Variants in LY6D observed in about 807,000 individuals in gnomAD.
LY6D encodes the protein lymphocyte antigen 6 family member D.
In LY6D, 7 loss-of-function variants were observed where a neutral mutation model predicts 5.6. The observed-to-expected ratio is 1.24, with a 90% CI of 0.71 to 2.34. The LOEUF (loss-of-function observed/expected upper bound fraction) is 2.34. Ranked by LOEUF, LY6D falls within the 30% of genes most tolerant of loss-of-function variation. LY6D has a pLI of 0.00. For missense variants in LY6D, 148 were observed against 164.8 expected, an observed-to-expected ratio of 0.90 and a Z score of 0.56; for synonymous variants, 81 against 75.0, an observed-to-expected ratio of 1.08 and a Z score of -0.41.
chr8:142,786,164 G>A, intron 1 of LY6D: 2 of 1,257,840 alleles, frequency 1.6e-6, no homozygotes, highest in Non-Finnish European at 2.0e-6. Context: ...ACCGGGAGGG[G>A]CTGGTGGCAG....
At position 142,785,680 on chromosome 8, in the gene LY6D, G is replaced by T. The variant is rs773833849; in HGVS notation, c.60C>A (p.Thr20=). ...ALAVATGPAL[T]LRCHVCTSSS... ...AGCTGGTGCACACGTGGCAGCGCAGGGTAAGGGCTGGCGGGGAGGGAGTCC... is the reference window on the plus strand; with the variant it reads ...AGCTGGTGCACACGTGGCAGCGCAGTGTAAGGGCTGGCGGGGAGGGAGTCC... The change falls in exon 2 of 3, where the codon ACC becomes ACA. Residue 20 remains threonine (T), a synonymous_variant. Coordinates refer to ENST00000301263, the MANE Select transcript of LY6D (RefSeq NM_003695.3). The T allele has an allele frequency of 1.2e-6, 2 of 1,613,398 alleles. No individual in the cohort carries two copies. The highest frequency in any genetic ancestry group is 1.7e-5 in the Admixed American group (1 of 60,012).
rs149812562 is a variant in LY6D at position 142,785,290 on chromosome 8, G to A, written c.318C>T (p.Leu106=). 2.9e-5 allele frequency: 47 copies of A among 1,613,300 alleles called. No individual in the cohort carries two copies. In the African/African-American group the frequency reaches 3.6e-4, roughly 12 times the overall value. ...LHNAAPTRTA[L]AHSALSLGLA... ...GCCCCAGGCTGAGGGCACTGTGGGCGAGGGCGGTGCGGGTGGGTGCAGCGT... is the reference window on the plus strand; with the variant it reads ...GCCCCAGGCTGAGGGCACTGTGGGCAAGGGCGGTGCGGGTGGGTGCAGCGT... The change falls in exon 3 of 3, where the codon CTC becomes CTT. Residue 106 remains leucine (L), a synonymous_variant. Transcript: ENST00000301263.
At position 142,785,233 on chromosome 8, in the gene LY6D, G is replaced by A. The variant is rs1370641774; in HGVS notation, c.375C>T (p.Ala125=). The part of the protein sequence containing the change: ...LALSLLAVIL[A]PSL ...CCTGGGGGGAAGGTCACAGGCTGGG[G>A]GCTAAGATGACGGCCAGGAGGCTCA... Residue 125 remains alanine, a synonymous_variant, in exon 3 of 3, where the codon GCC becomes GCT. Coordinates refer to ENST00000301263, the MANE Select transcript of LY6D (RefSeq NM_003695.3). 1 of 1,606,094 alleles carries A rather than the reference G, an allele frequency of 6.2e-7. No homozygotes were observed. Among genetic ancestry groups the A allele is most frequent in the South Asian group, 1.1e-5 (1 of 90,866 alleles).
Position 142,785,319 on chromosome 8 carries a change from G to T in LY6D, c.289C>A (p.His97Asn). 6.2e-7 allele frequency: 1 copy of T among 1,613,776 alleles called. No individual in the cohort carries two copies. The highest frequency in any genetic ancestry group is 8.5e-7 in the Non-Finnish European group (1 of 1,179,948). Residue 97 changes from histidine to asparagine, a missense_variant, in exon 3 of 3, where the codon CAC (histidine) becomes AAC (asparagine). By Grantham distance (68) the His-to-Asn change is moderately conservative. Transcript: ENST00000301263. ...CQEDLCNEKL[H>N]NAAPTRTALA... ...GCGGTGCGGGTGGGTGCAGCGTTGT[G>T]CAGCTTCTCATTGCACAGGTCCTCC...
chr8:142,786,197 G>A (rs1815652191), intron 1 of LY6D: 1 of 1,301,746 alleles, frequency 7.7e-7, no homozygotes, highest in Non-Finnish European at 9.7e-7. Context: ...CGCTCTCCCA[G>A]TGAGAAGCAT....
rs1586520794 is a variant in LY6D at position 142,785,871 on chromosome 8, T to G, written c.53-184A>C. 27 of 1,428,798 alleles carry G rather than the reference T, an allele frequency of 1.9e-5. No individual in the cohort carries two copies. In the South Asian group the frequency reaches 3.3e-4, roughly 17 times the overall value. 88.5% of individuals were successfully genotyped at this position (1,428,798 alleles called of 1,614,324 possible). A position where few individuals can be genotyped will look rare whatever the true frequency, so the allele number is the denominator to read the frequency against. On this transcript the variant is annotated intron_variant, in intron 1 of 2. Transcript: ENST00000301263. ...GCCCTGAGTGCAGCCTCAGGGGACA[T>G]GTATTCCAGCCTGGGCCGGCTTGGA... is the stretch of plus-strand genomic sequence containing the variant.
chr8:142,785,959 G>C, intron 1 of LY6D: 1 of 1,331,184 alleles, frequency 7.5e-7, no homozygotes, highest in Non-Finnish European at 9.6e-7. Context: ...AGGTCTCAGG[G>C]AGCTCTGCGA....
At chr8:142,785,764 G>A (rs1815645375) in intron 1 of LY6D, 77 bp from the exon 2 acceptor site, 2 of 1,577,204 alleles carry the variant, frequency 1.3e-6, no homozygotes, top group Non-Finnish European at 8.6e-7. Context: ...TCCCCCACCT[G>A]CAGAGACCCC....
Position 142,785,409 on chromosome 8 carries a change from A to C in LY6D, c.199T>G (p.Cys67Gly). Residue 67 changes from cysteine (C) to glycine (G), a missense_variant, in exon 3 of 3, where the codon TGC (cysteine) becomes GGC (glycine). Physicochemically the swap from Cys to Gly is radical, Grantham distance 159 (BLOSUM62 -3). Coordinates refer to ENST00000301263, the MANE Select transcript of LY6D (RefSeq NM_003695.3). Reference sequence around the variant, plus strand: ...CCTTGCAGGGTGTAGCTGGGTGTGCACGACTCCGCACAGTCCTTCTTCACC... The same window carrying C: ...CCTTGCAGGGTGTAGCTGGGTGTGCCCGACTCCGCACAGTCCTTCTTCACC... ...NLVKKDCAES[C>G]TPSYTLQGQV... The C allele has an allele frequency of 6.2e-7, 1 of 1,613,386 alleles. No homozygotes were observed. The highest frequency in any genetic ancestry group is 8.5e-7 in the Non-Finnish European group (1 of 1,179,914).
At chr8:142,785,548 T>C (rs767852243) in intron 2 of LY6D, 41 bp downstream of exon 2, 1 of 1,607,788 alleles carries the variant, frequency 6.2e-7, no homozygotes, top group East Asian at 2.2e-5. Flanking sequence ...CAGCCAGGGA[T>C]GTCCCCCAGC....
chr8:142,786,023 GA>G, intron 1 of LY6D: 2 of 1,229,428 alleles, frequency 1.6e-6, no homozygotes, highest in Non-Finnish European at 2.0e-6. Context: ...CCCTGGAGGA[GA>G]TGGCTATGTT....
chr8:142,784,917 A>G lies in LY6D; in HGVS notation c.*304T>C, dbSNP rs917121684. 9.6e-6 allele frequency: 4 copies of G among 416,790 alleles called. No individual in the cohort carries two copies. In the Admixed American group the frequency reaches 1.1e-4, roughly 12 times the overall value. The allele number at this position is 416,790 out of a possible 1,614,324, so 25.8% of individuals were successfully genotyped here. On this transcript the variant is annotated 3_prime_UTR_variant, in exon 3 of 3. Transcript: ENST00000301263. ...TCATTTATCTCCATGTAGAGATTTG[A>G]GTACAAAAATAAACGGCAACAAAAC...
In LY6D at chr8:142,785,319, G is replaced by A. The variant is rs1586520311; in HGVS notation, c.289C>T (p.His97Tyr). 3 of 1,613,658 alleles carry A rather than the reference G, an allele frequency of 1.9e-6. No individual in the cohort carries two copies. Among genetic ancestry groups the A allele is most frequent in the African/African-American group, 2.7e-5 (2 of 74,928 alleles). Residue 97 changes from histidine to tyrosine, a missense_variant, in exon 3 of 3, where the codon CAC becomes TAC. Transcript: ENST00000301263. ...CQEDLCNEKL[H>Y]NAAPTRTALA... is the part of the protein sequence containing the mutation. Reference sequence around the variant, plus strand: ...GCGGTGCGGGTGGGTGCAGCGTTGTGCAGCTTCTCATTGCACAGGTCCTCC... The same window carrying A: ...GCGGTGCGGGTGGGTGCAGCGTTGTACAGCTTCTCATTGCACAGGTCCTCC...
chr8:142,785,714 G>A (rs367885569), intron 1 of LY6D, 27 bp from the exon 2 acceptor site: 179 of 1,611,690 alleles, frequency 1.1e-4, no homozygotes, highest in Non-Finnish European at 1.4e-4. Flanking sequence ...CCGGCTCAGC[G>A]GGCCCAACAG....
rs1020076950 is a variant in LY6D, at chr8:142,785,253, G to A, written c.355C>T (p.Leu119Phe). 1.9e-6 allele frequency: 3 copies of A among 1,609,170 alleles called. No individual in the cohort carries two copies. In the African/African-American group the frequency reaches 4.0e-5, roughly 22 times the overall value. Residue 119 changes from leucine to phenylalanine, a missense_variant, in exon 3 of 3, where the codon CTC becomes TTC. By Grantham distance (22) the Leu-to-Phe change is conservative (BLOSUM62 0). Transcript: ENST00000301263. Reference sequence around the variant, plus strand: ...CTGGGGGCTAAGATGACGGCCAGGAGGCTCAGGGCCAGCCCCAGGCTGAGG... The same window carrying A: ...CTGGGGGCTAAGATGACGGCCAGGAAGCTCAGGGCCAGCCCCAGGCTGAGG... ...SALSLGLALS[L>F]LAVILAPSL
intron 2 of LY6D, 21 bp downstream of exon 2, chr8:142,785,568 A>G: frequency 6.2e-7 from 1 of 1,612,792 alleles, no homozygotes; most frequent in Non-Finnish European, 8.5e-7. Flanking sequence ...CCCCAGGGAC[A>G]CCTGGACAGA....
intron 1 of LY6D, chr8:142,785,926 G>C (rs1179588437): frequency 2.9e-6 from 4 of 1,389,432 alleles, no homozygotes; most frequent in South Asian, 3.1e-5. Flanking sequence ...CCTGTCTAGG[G>C]TGTGTTGCAA....
intron 1 of LY6D, 133 bp from the exon 2 acceptor site, chr8:142,785,820 G>T (rs892934942): frequency 6.8e-7 from 1 of 1,463,134 alleles, no homozygotes; most frequent in Middle Eastern, 2.5e-4. Flanking sequence ...CCCCAAACCC[G>T]GGCTCTGGGT....
In LY6D at chr8:142,785,981, A is replaced by G. The variant is rs1416503207; in HGVS notation, c.53-294T>C. On this transcript the variant is annotated intron_variant, in intron 1 of 2. Coordinates refer to ENST00000301263, the MANE Select transcript of LY6D (RefSeq NM_003695.3). ...AGGGAGCTCTGCGACTGCCAAGAGGACACTGGCTCTTGTCCCCACCCCAGG... is the reference window on the plus strand; with the variant it reads ...AGGGAGCTCTGCGACTGCCAAGAGGGCACTGGCTCTTGTCCCCACCCCAGG... 67 of 1,296,306 alleles carry G rather than the reference A, an allele frequency of 5.2e-5. 1 individual carries two copies. Among genetic ancestry groups the G allele is most frequent in the Non-Finnish European group, 3.3e-5 (34 of 1,017,202 alleles). 80.3% of individuals were successfully genotyped at this position (1,296,306 alleles called of 1,614,324 possible). A position where few individuals can be genotyped will look rare whatever the true frequency, so the allele number is the denominator to read the frequency against.
Sources: gnomAD v4.1 joint callset for allele counts on GRCh38, gnomAD v4.1.1 for gene constraint, MANE v1.5 for transcripts, NCBI Gene and HGNC (gene_info 2026-07-23, HGNC 2026-07-21) for gene names.